HTR1F: variants seen among roughly 807,000 people sequenced by gnomAD.
HTR1F encodes 5-hydroxytryptamine (serotonin) receptor 1F, G protein-coupled.
In HTR1F, 17 loss-of-function variants were observed where a neutral mutation model predicts 24.0. The ratio of observed to expected loss-of-function variants is 0.71; its 90% CI spans 0.48 to 1.06. HTR1F has a LOEUF of 1.06. Among genes scored for constraint, HTR1F ranks in the 50% least tolerant of loss-of-function variants. The pLI is 0.00. For missense variants in HTR1F, 391 were observed against 427.8 expected (o/e 0.91, Z 0.76); for synonymous variants, 186 against 156.8 (o/e 1.19, Z -1.39).
chr3:87,871,501 C>A (rs1303677792), intron 2 of HTR1F, among the ~76,000 whole-genome samples: 8 of 152,032 alleles, frequency 5.3e-5, no homozygotes, highest in South Asian at 2.1e-4. Flanking sequence ...TGTGAAGAAA[C>A]AATATCTGAC....
intron 2 of HTR1F, among the ~76,000 whole-genome samples, chr3:87,848,587 T>A (rs73145268): frequency 0.057 from 8,732 of 151,984 alleles, 375 homozygotes; most frequent in Non-Finnish European, 0.09. Context: ...GTACAAGATG[T>A]TTAGAATTAC....
chr3:87,959,752 G>A (rs1705021428), intron 2 of HTR1F, among the ~76,000 whole-genome samples: 1 of 143,862 alleles, frequency 7.0e-6, no homozygotes, highest in Non-Finnish European at 1.5e-5. Flanking sequence ...GGGATACGAT[G>A]TGAGACCACC....
chr3:87,940,186 C>A (rs1441173621), intron 2 of HTR1F, among the ~76,000 whole-genome samples: 1 of 152,176 alleles, frequency 6.6e-6, no homozygotes, highest in African/African-American at 2.4e-5. Flanking sequence ...GAGAGAGTCT[C>A]TTAATTCTGA....
At chr3:87,894,005 T>A (rs1049695568) in intron 2 of HTR1F, among the ~76,000 whole-genome samples, 7 of 145,068 alleles carry the variant, frequency 4.8e-5, no homozygotes, top group Non-Finnish European at 8.9e-5. Context: ...CAGCTTTTTT[T>A]ATTTTTCTTT....
intron 2 of HTR1F, among the ~76,000 whole-genome samples, chr3:87,853,984 T>C (rs1705147431): frequency 6.6e-6 from 1 of 152,132 alleles, no homozygotes; most frequent in Admixed American, 6.6e-5. Context: ...GATGCATGAA[T>C]GACTGCTTTT....
At chr3:87,963,097 G>A (rs1705095639) in intron 2 of HTR1F, among the ~76,000 whole-genome samples, 2 of 151,904 alleles carry the variant, frequency 1.3e-5, no homozygotes, top group Admixed American at 1.3e-4. Context: ...TTAATACATG[G>A]AAAATTAATG....
intron 2 of HTR1F, among the ~76,000 whole-genome samples, chr3:87,972,046 T>C (rs1326051575): frequency 3.3e-5 from 5 of 152,186 alleles, no homozygotes; most frequent in African/African-American, 1.2e-4. Context: ...TCACCCTCAA[T>C]TAACACACAG....
chr3:87,965,642 T>A (rs185550378), intron 2 of HTR1F, among the ~76,000 whole-genome samples: 3 of 152,236 alleles, frequency 2.0e-5, no homozygotes, highest in Admixed American at 2.0e-4. Context: ...GGATAATAAC[T>A]GGCGACACAC....
At chr3:87,969,245 C>A (rs1446446544) in intron 2 of HTR1F, among the ~76,000 whole-genome samples, 4 of 152,230 alleles carry the variant, frequency 2.6e-5, no homozygotes, top group Non-Finnish European at 5.9e-5. Flanking sequence ...CACCGCTATC[C>A]TCCAGACCCT....
intron 2 of HTR1F, among the ~76,000 whole-genome samples, chr3:87,985,518 T>C (rs1460737885): frequency 1.3e-5 from 2 of 152,222 alleles, no homozygotes; most frequent in African/African-American, 4.8e-5. Context: ...AGTTATCTTA[T>C]CTATGAAAAG....
intron 1 of HTR1F, among the ~76,000 whole-genome samples, chr3:87,801,122 C>T (rs946201168): frequency 3.3e-5 from 5 of 152,138 alleles, no homozygotes; most frequent in African/African-American, 1.2e-4. Flanking sequence ...TATTTCAAAA[C>T]AATGCCAACT....
intron 2 of HTR1F, among the ~76,000 whole-genome samples, chr3:87,981,771 T>C (rs773235720): frequency 5.9e-5 from 9 of 152,214 alleles, no homozygotes; most frequent in Admixed American, 1.3e-4. Context: ...AGTGTGTTCA[T>C]TGAATGTGGT....
intron 2 of HTR1F, among the ~76,000 whole-genome samples, chr3:87,939,535 C>T (rs1351830253): frequency 1.3e-5 from 2 of 152,134 alleles, no homozygotes; most frequent in Non-Finnish European, 2.9e-5. Context: ...CTATTAATTA[C>T]TGCCTCAATT....
In HTR1F at chr3:87,992,614, G is replaced by A. The variant is rs574510465; in HGVS notation, c.*764G>A. On this transcript the variant is annotated 3_prime_UTR_variant, in exon 3 of 3. Transcript: ENST00000319595. ...AACTCAACAAAGGGGCATGGGTGAC[G>A]TTGTTATAATTGCTCTCTGTTTACT... 25 of 167,100 alleles carry A rather than the reference G, an allele frequency of 1.5e-4. No individual in the cohort carries two copies. The highest frequency in any genetic ancestry group is 5.8e-4 in the African/African-American group (24 of 41,556). 10.4% of individuals were successfully genotyped at this position (167,100 alleles called of 1,614,324 possible).
At chr3:87,801,837 T>C (rs868752592) in intron 1 of HTR1F, among the ~76,000 whole-genome samples, 6 of 152,264 alleles carry the variant, frequency 3.9e-5, no homozygotes, top group African/African-American at 1.4e-4. Flanking sequence ...TAAAAAGAAG[T>C]ATATACATTA....
chr3:87,914,599 T>G (rs375137836), intron 2 of HTR1F, among the ~76,000 whole-genome samples: 62 of 152,068 alleles, frequency 4.1e-4, no homozygotes, highest in Middle Eastern at 3.4e-3. Context: ...ACAACCTGCA[T>G]GACTCAGCAG....
At chr3:87,834,387 A>G (rs1704641694) in intron 2 of HTR1F, among the ~76,000 whole-genome samples, 1 of 152,220 alleles carries the variant, frequency 6.6e-6, no homozygotes, top group African/African-American at 2.4e-5. Flanking sequence ...TAAAAATGAA[A>G]ACAATTTGGG....
At chr3:87,884,935 G>C (rs1705901099) in intron 2 of HTR1F, among the ~76,000 whole-genome samples, 1 of 152,102 alleles carries the variant, frequency 6.6e-6, no homozygotes, top group South Asian at 2.1e-4. Context: ...AGATCAATGA[G>C]TCAGAAGGTT....
At chr3:87,932,857 G>A (rs1269944118) in intron 2 of HTR1F, among the ~76,000 whole-genome samples, 1 of 151,598 alleles carries the variant, frequency 6.6e-6, no homozygotes, top group African/African-American at 2.4e-5. Flanking sequence ...ATTTTATGAG[G>A]CCAGCATCAT....
Sources: allele counts gnomAD v4.1 joint callset (sites outside exome capture counted in the v4.1 genomes callset), GRCh38; gene constraint gnomAD v4.1.1; transcripts MANE v1.5; gene names NCBI Gene and HGNC (gene_info 2026-07-23, HGNC 2026-07-21).